GATAD2B: variants seen among roughly 807,000 people sequenced by gnomAD.
GATAD2B encodes transcriptional repressor p66-beta.
GATAD2B carries 8 observed loss-of-function variants against 64.3 expected under a neutral mutation model. That is an observed-to-expected ratio of 0.12 (90% CI 0.07 to 0.22). The LOEUF is 0.22. Among genes scored for constraint, GATAD2B ranks in the 10% least tolerant of loss-of-function variants. The pLI is 1.00. For synonymous variants in GATAD2B, 281 were observed against 271.3 expected (o/e 1.04, Z -0.35); for missense variants, 453 against 752.0 (o/e 0.60, Z 4.65).
At chr1:153,870,399 G>A (rs1398558644) in intron 1 of GATAD2B, among the ~76,000 whole-genome samples, 7 of 152,068 alleles carry the variant, frequency 4.6e-5, no homozygotes, top group Admixed American at 3.9e-4. Context: ...GTGAAACCCC[G>A]TCTCTACTAA....
chr1:153,810,876 G>A (rs1408799971), intron 10 of GATAD2B, among the ~76,000 whole-genome samples: 1 of 152,088 alleles, frequency 6.6e-6, no homozygotes, highest in Non-Finnish European at 1.5e-5. Context: ...CGATTCTCCT[G>A]CCTCAGCCTC....
At chr1:153,836,569 A>AAAAAAAAAAATCAGCC (rs146947256) in intron 1 of GATAD2B, among the ~76,000 whole-genome samples, 26,145 of 146,918 alleles carry the variant, frequency 0.18, 3,168 homozygotes, top group Non-Finnish European at 0.26. Context: ...TTAAAAAAAA[A>AAAAAAAAAAATCAGCC]AGGCATGGTG....
chr1:153,874,262 A>C (rs905384987), intron 1 of GATAD2B, among the ~76,000 whole-genome samples: 1 of 135,698 alleles, frequency 7.4e-6, no homozygotes, highest in African/African-American at 2.6e-5. Context: ...ACTCCGTCTC[A>C]AAAGAAAAAA....
chr1:153,817,284 T>C (rs1210410750), intron 6 of GATAD2B, 88 bp downstream of exon 6: 37 of 1,290,836 alleles, frequency 2.9e-5, no homozygotes, highest in South Asian at 1.2e-4. Context: ...TATCTATGTA[T>C]AAAAACTTAA....
At chr1:153,815,284 A>AAAAC (rs1674433007) in intron 7 of GATAD2B, among the ~76,000 whole-genome samples, 1 of 144,300 alleles carries the variant, frequency 6.9e-6, no homozygotes, top group African/African-American at 2.5e-5. Flanking sequence ...AAAAAACAAA[A>AAAAC]AAAAAAAACA....
intron 1 of GATAD2B, among the ~76,000 whole-genome samples, chr1:153,899,806 G>GC (rs1363229824): frequency 6.6e-6 from 1 of 152,116 alleles, no homozygotes; most frequent in Non-Finnish European, 1.5e-5. Flanking sequence ...GCCTGTTGGT[G>GC]CGGTTGTAAA....
intron 1 of GATAD2B, among the ~76,000 whole-genome samples, chr1:153,874,719 G>A (rs943519140): frequency 2.6e-5 from 4 of 151,946 alleles, no homozygotes; most frequent in Admixed American, 6.6e-5. Context: ...TGGGACTACA[G>A]GTGCATGCCA....
chr1:153,854,424 A>G (rs953615865), intron 1 of GATAD2B, among the ~76,000 whole-genome samples: 1 of 152,000 alleles, frequency 6.6e-6, no homozygotes, highest in Non-Finnish European at 1.5e-5. Flanking sequence ...AAACAAACAA[A>G]CAAAAACCAA....
intron 1 of GATAD2B, among the ~76,000 whole-genome samples, chr1:153,880,461 TCAAAAACAAAAA>T (rs528725979): frequency 6.4e-4 from 97 of 151,544 alleles, no homozygotes; most frequent in Admixed American, 1.8e-3. Flanking sequence ...AGTGAGACTG[TCAAAAACAAAAA>T]CAAAAACAAA....
At chr1:153,833,811 C>CAAAAAAA (rs71093292) in intron 1 of GATAD2B, among the ~76,000 whole-genome samples, 10 of 61,912 alleles carry the variant, frequency 1.6e-4, no homozygotes, top group African/African-American at 4.1e-4. Flanking sequence ...ACTCAGTCTC[C>CAAAAAAA]AAAAAAAAAA....
intron 1 of GATAD2B, among the ~76,000 whole-genome samples, chr1:153,894,679 G>A (rs1022099408): frequency 1.1e-4 from 16 of 151,540 alleles, no homozygotes; most frequent in African/African-American, 3.2e-4. Flanking sequence ...TGGCTAACAC[G>A]GGGAAACCCC....
chr1:153,916,805 ATTTG>A (rs1241033681), intron 1 of GATAD2B, among the ~76,000 whole-genome samples: 1 of 152,002 alleles, frequency 6.6e-6, no homozygotes, highest in Non-Finnish European at 1.5e-5. Context: ...ACAAACTTTT[ATTTG>A]TTTATTTATT....
chr1:153,886,333 T>C (rs1677183239), intron 1 of GATAD2B: 1 of 152,192 alleles, frequency 6.6e-6, no homozygotes, highest in South Asian at 2.1e-4. Flanking sequence ...GTATAGTCTG[T>C]TACTATACTG....
At chr1:153,843,874 G>T (rs1675586970) in intron 1 of GATAD2B, among the ~76,000 whole-genome samples, 1 of 150,608 alleles carries the variant, frequency 6.6e-6, no homozygotes, top group African/African-American at 2.4e-5. Flanking sequence ...GAAAACAATG[G>T]ACATCAGGCA....
At chr1:153,910,997 A>T (rs1237958793) in intron 1 of GATAD2B, among the ~76,000 whole-genome samples, 1 of 152,192 alleles carries the variant, frequency 6.6e-6, no homozygotes, top group Non-Finnish European at 1.5e-5. Flanking sequence ...TGTTCCCTAC[A>T]GGTGAGAAGG....
At chr1:153,852,088 CAG>C (rs1675916708) in intron 1 of GATAD2B, 4 of 563,948 alleles carry the variant, frequency 7.1e-6, no homozygotes, top group East Asian at 2.9e-5. Context: ...TCACTGGTGA[CAG>C]GGGCAAGTTT....
At chr1:153,839,387 G>A (rs1235492547) in intron 1 of GATAD2B, among the ~76,000 whole-genome samples, 1 of 152,052 alleles carries the variant, frequency 6.6e-6, no homozygotes, top group African/African-American at 2.4e-5. Flanking sequence ...AACATATATA[G>A]GAGTACCTGG....
intron 1 of GATAD2B, among the ~76,000 whole-genome samples, chr1:153,836,925 C>T (rs1264740379): frequency 6.6e-6 from 1 of 152,124 alleles, no homozygotes; most frequent in African/African-American, 2.4e-5. Flanking sequence ...ACTGACCCAT[C>T]AGAGGTTGTG....
chr1:153,853,148 G>A, intron 1 of GATAD2B: 1 of 1,426,498 alleles, frequency 7.0e-7, no homozygotes, highest in Non-Finnish European at 9.9e-7. Flanking sequence ...CCTCAATCCT[G>A]TCTAGCCCCT....
Sources: gnomAD v4.1 joint callset for allele counts (sites outside exome capture counted in the v4.1 genomes callset) on GRCh38, gnomAD v4.1.1 for gene constraint, MANE v1.5 for transcripts, NCBI Gene and HGNC (gene_info 2026-07-23, HGNC 2026-07-21) for gene names.